The following GPM6A variants were observed in gnomAD, a reference collection of about 807,000 sequenced individuals.
GPM6A encodes neuronal membrane glycoprotein M6-a.
A neutral mutation model predicts 32.1 loss-of-function variants in GPM6A; 7 were observed. The ratio of observed to expected loss-of-function variants is 0.22; its 90% CI spans 0.12 to 0.41. The LOEUF (loss-of-function observed/expected upper bound fraction) is 0.41, where lower values mean the gene tolerates loss of function less well. Among genes scored for constraint, GPM6A ranks in the 10% least tolerant of loss-of-function variants. GPM6A has a pLI of 1.00. For synonymous variants in GPM6A, 130 were observed against 123.4 expected, an observed-to-expected ratio of 1.05 and a Z score of -0.35; for missense variants, 235 against 347.2, an observed-to-expected ratio of 0.68 and a Z score of 2.57.
At chr4:175,820,255 C>A (rs1327321349) in intron 1 of GPM6A, among the ~76,000 whole-genome samples, 1 of 152,056 alleles carries the variant, frequency 6.6e-6, no homozygotes, top group East Asian at 1.9e-4. Flanking sequence ...ACTTGTACTA[C>A]CACCCAACAT....
At chr4:175,918,386 T>C (rs546879416) in intron 1 of GPM6A, among the ~76,000 whole-genome samples, 2 of 151,990 alleles carry the variant, frequency 1.3e-5, no homozygotes, top group South Asian at 4.1e-4. Flanking sequence ...AAAAATAGAA[T>C]TGGAAAAGAA....
At chr4:175,962,305 G>A (rs1740192489) in intron 1 of GPM6A, 1 of 1,139,096 alleles carries the variant, frequency 8.8e-7, no homozygotes, top group African/African-American at 1.5e-5. Flanking sequence ...GTAAAAGTGA[G>A]TTTACTGGGT....
chr4:175,991,231 A>ATTTTTTTTTTT (rs1554007435), intron 1 of GPM6A, among the ~76,000 whole-genome samples: 1 of 119,060 alleles, frequency 8.4e-6, no homozygotes, highest in African/African-American at 2.9e-5. Context: ...ACTCCCAGCT[A>ATTTTTTTTTTT]TTTTTTTTTT....
At chr4:175,699,806 T>C (rs890099880) in intron 2 of GPM6A, among the ~76,000 whole-genome samples, 3 of 152,200 alleles carry the variant, frequency 2.0e-5, no homozygotes, top group Non-Finnish European at 2.9e-5. Context: ...ATGTACTCTG[T>C]CCAGGGGTAT....
intron 4 of GPM6A, among the ~76,000 whole-genome samples, chr4:175,649,149 T>C (rs1036175665): frequency 6.6e-6 from 1 of 152,294 alleles, no homozygotes; most frequent in African/African-American, 2.4e-5. Context: ...CCCTGGAAAA[T>C]TATTTCATTT....
At chr4:175,787,704 T>G in intron 1 of GPM6A, 1 of 722,578 alleles carries the variant, frequency 1.4e-6, no homozygotes, top group African/African-American at 1.9e-5. Flanking sequence ...GAAAAATCTG[T>G]TCCTTTTGCT....
intron 1 of GPM6A, among the ~76,000 whole-genome samples, chr4:175,900,888 A>G (rs1311759751): frequency 6.6e-6 from 1 of 152,228 alleles, no homozygotes; most frequent in Admixed American, 6.5e-5. Context: ...CCATCAACAG[A>G]TGAATGGATA....
intron 1 of GPM6A, among the ~76,000 whole-genome samples, chr4:175,810,023 T>A (rs979987013): frequency 6.6e-6 from 1 of 152,190 alleles, no homozygotes; most frequent in Non-Finnish European, 1.5e-5. Context: ...TGAATTATTG[T>A]TTAAGAAAAT....
chr4:175,787,676 C>T (rs746352777), intron 1 of GPM6A: 9 of 1,026,032 alleles, frequency 8.8e-6, no homozygotes, highest in Non-Finnish European at 1.1e-5. Context: ...TTAATATATG[C>T]AAGACATAAT....
chr4:175,671,984 G>GAAAAAAA (rs773227963), intron 3 of GPM6A, among the ~76,000 whole-genome samples: 4 of 109,626 alleles, frequency 3.6e-5, no homozygotes, highest in Non-Finnish European at 4.0e-5. Context: ...TACCATTATA[G>GAAAAAAA]AAAAAAAAAA....
At chr4:175,918,755 A>C (rs1738576366) in intron 1 of GPM6A, among the ~76,000 whole-genome samples, 1 of 152,166 alleles carries the variant, frequency 6.6e-6, no homozygotes, top group Admixed American at 6.5e-5. Flanking sequence ...TGAAATGCAG[A>C]AATGTATATT....
chr4:175,955,842 TG>T (rs973744120), intron 1 of GPM6A, among the ~76,000 whole-genome samples: 1 of 152,306 alleles, frequency 6.6e-6, no homozygotes, highest in Admixed American at 6.5e-5. Context: ...GAGCTGTGAC[TG>T]GGGACATGGT....
At chr4:175,755,345 T>C (rs1360615027) in intron 1 of GPM6A, among the ~76,000 whole-genome samples, 1 of 152,138 alleles carries the variant, frequency 6.6e-6, no homozygotes, top group African/African-American at 2.4e-5. Flanking sequence ...TGTAATTACA[T>C]GAATGCTACA....
intron 1 of GPM6A, among the ~76,000 whole-genome samples, chr4:175,863,212 C>A (rs1043335219): frequency 6.6e-5 from 10 of 152,262 alleles, no homozygotes; most frequent in Admixed American, 4.6e-4. Flanking sequence ...TTCCAAGTTT[C>A]CTCATGCCTC....
chr4:175,833,869 T>C (rs1735687207), intron 1 of GPM6A, among the ~76,000 whole-genome samples: 1 of 152,144 alleles, frequency 6.6e-6, no homozygotes, highest in Non-Finnish European at 1.5e-5. Flanking sequence ...ATCAGTCTGA[T>C]AAGCCCTTAC....
chr4:175,749,113 T>C (rs2111183998), intron 1 of GPM6A, among the ~76,000 whole-genome samples: 1 of 152,262 alleles, frequency 6.6e-6, no homozygotes, highest in Non-Finnish European at 1.5e-5. Context: ...ATACAACTTT[T>C]ATTAACTATG....
At chr4:175,718,614 G>A (rs1334426000) in intron 1 of GPM6A, among the ~76,000 whole-genome samples, 2 of 150,132 alleles carry the variant, frequency 1.3e-5, no homozygotes, top group Admixed American at 6.6e-5. Flanking sequence ...AGACTCTGTC[G>A]AAAAAAAAAT....
intron 1 of GPM6A, among the ~76,000 whole-genome samples, chr4:175,861,453 T>G (rs558420257): frequency 6.6e-6 from 1 of 151,386 alleles, no homozygotes; most frequent in Admixed American, 6.6e-5. Context: ...AAAACAACTT[T>G]GAATCAGATA....
chr4:175,849,118 C>T (rs1000979798), intron 1 of GPM6A, among the ~76,000 whole-genome samples: 1 of 151,996 alleles, frequency 6.6e-6, no homozygotes, highest in Non-Finnish European at 1.5e-5. Context: ...TGTTTCTTAT[C>T]CAGACATATA....
Sources: allele counts gnomAD v4.1 joint callset (sites outside exome capture counted in the v4.1 genomes callset), GRCh38; gene constraint gnomAD v4.1.1; transcripts MANE v1.5; gene names NCBI Gene and HGNC (gene_info 2026-07-23, HGNC 2026-07-21).